MAP3K4: variants seen among roughly 807,000 people sequenced by gnomAD.
The protein encoded by MAP3K4 is MAP three kinase 1.
Under a neutral mutation model 185.6 loss-of-function variants are expected in MAP3K4, and 67 were observed. That is an observed-to-expected ratio of 0.36 (90% CI 0.30 to 0.44). The LOEUF (loss-of-function observed/expected upper bound fraction) is 0.44, where lower values mean the gene tolerates loss of function less well. Among genes scored for constraint, MAP3K4 ranks in the 20% least tolerant of loss-of-function variants. MAP3K4 has a pLI of 1.00. For synonymous variants in MAP3K4, 702 were observed against 710.4 expected (o/e 0.99, Z 0.19); for missense variants, 1,551 against 1,995.1 (o/e 0.78, Z 4.24).
At position 161,087,900 on chromosome 6, in the gene MAP3K4, G is replaced by T. The variant is rs370713644; in HGVS notation, c.2769G>T (p.Gln923His). 4 of 1,613,994 alleles carry T rather than the reference G, an allele frequency of 2.5e-6. No individual in the cohort carries two copies. In the Admixed American group the frequency reaches 6.7e-5, roughly 27 times the overall value. ...SEDSWGTWEA[Q>H]PVKVVPQVET... ...ACAGCTGGGGCACCTGGGAGGCACA[G>T]CCTGTCAAAGTCGTGCCTCAGGTGG... Residue 923 changes from glutamine to histidine, a missense_variant, in exon 10 of 27, where the codon CAG becomes CAT. Coordinates refer to ENST00000392142, the MANE Select transcript of MAP3K4 (RefSeq NM_005922.4). This position sits in a 1 kb window ranked among gnomAD's most constrained non-coding sequence, Gnocchi z 4.9.
rs1295505755 is a variant in MAP3K4, at chr6:161,112,527, ACTGT to A, written c.4520-136_4520-133del. 8.0e-6 allele frequency: 4 copies of A among 499,012 alleles called. No individual in the cohort carries two copies. Among genetic ancestry groups the A allele is most frequent in the Non-Finnish European group, 1.3e-5 (4 of 304,264 alleles). The allele number at this position is 499,012 out of a possible 1,614,324, so 30.9% of individuals were successfully genotyped here. A position where few individuals can be genotyped will look rare whatever the true frequency, so the allele number is the denominator to read the frequency against. ...AAGTTTGTTCAACAAGTTGACTTGA[ACTGT>A]CTGTAAATTTTTGATATTTCCCATT... On this transcript the variant is annotated intron_variant, in intron 24 of 26. Transcript: ENST00000392142. This position sits in a 1 kb window ranked among gnomAD's most constrained non-coding sequence, Gnocchi z 5.1.
intron 2 of MAP3K4, among the ~76,000 whole-genome samples, chr6:161,036,488 C>T (rs963360316): frequency 1.3e-5 from 2 of 152,214 alleles, no homozygotes; most frequent in South Asian, 2.1e-4. Context: ...AGCCTGACTA[C>T]AGACTCTCTA....
At chr6:161,102,279 T>G (rs1445405605) in intron 18 of MAP3K4, among the ~76,000 whole-genome samples, 1 of 152,222 alleles carries the variant, frequency 6.6e-6, no homozygotes, top group Non-Finnish European at 1.5e-5. Flanking sequence ...TTGAATACTT[T>G]TATTCATTTA....
Position 161,086,720 on chromosome 6 carries a change from T to A in MAP3K4, c.2556+53T>A. On this transcript the variant is annotated intron_variant, in intron 9 of 26. Transcript: ENST00000392142. This position sits in a 1 kb window ranked among gnomAD's most constrained non-coding sequence, Gnocchi z 4.8. ...ACATTTTGCCTTTCCTTCTTTATTC[T>A]AAAACAGGCAGACTTTTTCTTGAAG... is the stretch of plus-strand genomic sequence containing the variant. 1 of 1,446,892 alleles carries A rather than the reference T, an allele frequency of 6.9e-7. No homozygotes were observed. Among genetic ancestry groups the A allele is most frequent in the Non-Finnish European group, 9.6e-7 (1 of 1,041,956 alleles). 89.6% of individuals were successfully genotyped at this position (1,446,892 alleles called of 1,614,324 possible).
chr6:161,097,308 T>C lies in MAP3K4; in HGVS notation c.3524+132T>C. On this transcript the variant is annotated intron_variant, in intron 16 of 26. Coordinates refer to ENST00000392142, the MANE Select transcript of MAP3K4 (RefSeq NM_005922.4). This position sits in a 1 kb window ranked among gnomAD's most constrained non-coding sequence, Gnocchi z 4.9. ...TGCATTGTTCGTACGTAAAAGCTCT[T>C]ACTTGCATTATCTTGAAACCTTTAG... The C allele has an allele frequency of 1.5e-6, 1 of 662,038 alleles. No homozygotes were observed. Among genetic ancestry groups the C allele is most frequent in the Non-Finnish European group, 2.5e-6 (1 of 395,180 alleles). The allele number at this position is 662,038 out of a possible 1,614,324, so 41.0% of individuals were successfully genotyped here.
intron 1 of MAP3K4, chr6:160,992,340 C>T: frequency 2.0e-6 from 1 of 511,208 alleles, no homozygotes; most frequent in Non-Finnish European, 3.4e-6. Flanking sequence ...CCCTTGTAGA[C>T]TCCCCCAGCT....
chr6:161,102,007 G>T lies in MAP3K4; in HGVS notation c.3775+15G>T, dbSNP rs144011617. 1 of 1,600,028 alleles carries T rather than the reference G, an allele frequency of 6.2e-7. No homozygotes were observed. The highest frequency in any genetic ancestry group is 1.3e-5 in the African/African-American group (1 of 74,698). ...GGAGCGAGATGGTGAGTGTTTTAAG[G>T]TGTTAGCTGCATTCACAACCAGTCT... On this transcript the variant is annotated intron_variant, in intron 18 of 26. Coordinates refer to ENST00000392142, the MANE Select transcript of MAP3K4 (RefSeq NM_005922.4).
intron 3 of MAP3K4, among the ~76,000 whole-genome samples, chr6:161,062,223 C>T (rs945841509): frequency 3.3e-5 from 5 of 152,124 alleles, no homozygotes; most frequent in Non-Finnish European, 5.9e-5. Context: ...TCTAAAGTTT[C>T]ATTTGAAGTA....
intron 2 of MAP3K4, among the ~76,000 whole-genome samples, chr6:161,035,250 A>G (rs868445375): frequency 6.6e-6 from 1 of 152,214 alleles, no homozygotes; most frequent in Non-Finnish European, 1.5e-5. Context: ...CTATTACTGC[A>G]TGAGATGCGG....
chr6:161,018,425 C>G (rs545031618), intron 1 of MAP3K4, among the ~76,000 whole-genome samples: 34 of 152,218 alleles, frequency 2.2e-4, no homozygotes, highest in African/African-American at 8.2e-4. Context: ...GTCTTTGTTG[C>G]GTTGGACATT....
In MAP3K4 at chr6:161,112,569, A is replaced by G; in HGVS notation, c.4520-99A>G. 1 of 741,236 alleles carries G rather than the reference A, an allele frequency of 1.3e-6. No homozygotes were observed. The highest frequency in any genetic ancestry group is 2.0e-6 in the Non-Finnish European group (1 of 500,804). The allele number at this position is 741,236 out of a possible 1,614,324, so 45.9% of individuals were successfully genotyped here. A position where few individuals can be genotyped will look rare whatever the true frequency, so the allele number is the denominator to read the frequency against. On this transcript the variant is annotated intron_variant, in intron 24 of 26. Coordinates refer to ENST00000392142, the MANE Select transcript of MAP3K4 (RefSeq NM_005922.4). The surrounding 1 kb of genome is among the most constrained non-coding windows in gnomAD (Gnocchi z 5.1). ...GATATTTCCCATTACCTAATGCAGG[A>G]AGATAATATTGTACAATATTAATTT...
Position 161,093,916 on chromosome 6 carries a change from A to G in MAP3K4, c.3427+65A>G. The G allele has an allele frequency of 8.3e-7, 1 of 1,210,828 alleles. No homozygotes were observed. The highest frequency in any genetic ancestry group is 1.3e-5 in the South Asian group (1 of 79,038). The allele number at this position is 1,210,828 out of a possible 1,614,324, so 75.0% of individuals were successfully genotyped here. ...GATTTGAGTGGACAGATCCTCTTGTAATTGCAGTCGTTTAAAATGGTATAA... is the reference window on the plus strand; with the variant it reads ...GATTTGAGTGGACAGATCCTCTTGTGATTGCAGTCGTTTAAAATGGTATAA... On this transcript the variant is annotated intron_variant, in intron 15 of 26. Coordinates refer to ENST00000392142, the MANE Select transcript of MAP3K4 (RefSeq NM_005922.4). This position sits in a 1 kb window ranked among gnomAD's most constrained non-coding sequence, Gnocchi z 5.2.
In MAP3K4 at chr6:161,052,785, C is replaced by G. The variant is rs575438957; in HGVS notation, c.1707+2806C>G. Among the ~76,000 whole-genome samples the G allele has an allele frequency of 2.0e-5, 3 of 152,032 alleles. No homozygotes were observed. The South Asian group carries it at 6.2e-4, about 32-fold the overall frequency. ...TGAATATGTGTACAGTCCCCCACTC[C>G]CAGGTTTGTTTTAGTCGTTTTATTT... is the stretch of plus-strand genomic sequence containing the variant. On this transcript the variant is annotated intron_variant, in intron 3 of 26. Coordinates refer to ENST00000392142, the MANE Select transcript of MAP3K4 (RefSeq NM_005922.4).
chr6:161,099,991 A>G (rs1777762788), intron 17 of MAP3K4, among the ~76,000 whole-genome samples: 1 of 152,224 alleles, frequency 6.6e-6, no homozygotes. Context: ...AAATTTTAAT[A>G]GTATCATAGC....
intron 1 of MAP3K4, among the ~76,000 whole-genome samples, chr6:161,030,893 C>G (rs1379614882): frequency 4.6e-5 from 7 of 152,280 alleles, no homozygotes; most frequent in African/African-American, 1.7e-4. Context: ...ACCATGTTGA[C>G]TGCATTAAGT....
intron 2 of MAP3K4, among the ~76,000 whole-genome samples, chr6:161,036,397 A>C (rs563270623): frequency 6.6e-6 from 1 of 152,190 alleles, no homozygotes; most frequent in Non-Finnish European, 1.5e-5. Flanking sequence ...TGTTGCAGGA[A>C]ATTCAGAAAA....
At chr6:161,001,128 A>T (rs1781301780) in intron 1 of MAP3K4, among the ~76,000 whole-genome samples, 1 of 146,254 alleles carries the variant, frequency 6.8e-6, no homozygotes, top group African/African-American at 2.5e-5. Context: ...CACATATATA[A>T]TACAAGTGTA....
chr6:161,084,646 A>T lies in MAP3K4; in HGVS notation c.2372+29A>T. 1 of 1,241,420 alleles carries T rather than the reference A, an allele frequency of 8.1e-7. No homozygotes were observed. Among genetic ancestry groups the T allele is most frequent in the South Asian group, 1.2e-5 (1 of 82,876 alleles). 76.9% of individuals were successfully genotyped at this position (1,241,420 alleles called of 1,614,324 possible). A position where few individuals can be genotyped will look rare whatever the true frequency, so the allele number is the denominator to read the frequency against. ...GGAGTTGTGCTTCCTTTCCCCTTCC[A>T]CTTCTTATCTCGTAGTTTCCTTCCT... On this transcript the variant is annotated intron_variant, in intron 7 of 26. Transcript: ENST00000392142. The surrounding 1 kb of genome is among the most constrained non-coding windows in gnomAD (Gnocchi z 4.6).
Position 161,113,000 on chromosome 6 carries a change from A to C in MAP3K4, c.4626+226A>C, listed in dbSNP as rs1778418880. ...GAGAACTCTTATGAGTGAATTTAAG[A>C]AGCATAAACCTCTAATTAAAACACA... On this transcript the variant is annotated intron_variant, in intron 25 of 26. Transcript: ENST00000392142. The surrounding 1 kb of genome is among the most constrained non-coding windows in gnomAD (Gnocchi z 5.1). Among the ~76,000 whole-genome samples, 1 of 152,230 alleles carries C rather than the reference A, an allele frequency of 6.6e-6. No homozygotes were observed. The highest frequency in any genetic ancestry group is 1.5e-5 in the Non-Finnish European group (1 of 68,030).
Sources: allele counts gnomAD v4.1 joint callset (sites outside exome capture counted in the v4.1 genomes callset), GRCh38; gene constraint gnomAD v4.1.1; non-coding constraint Gnocchi (gnomAD v3.1); transcripts MANE v1.5; gene names NCBI Gene and HGNC (gene_info 2026-07-23, HGNC 2026-07-21).